The following C6orf118 variants were observed in gnomAD, a reference collection of about 807,000 sequenced individuals.
C6orf118 encodes the protein uncharacterized protein C6orf118.
C6orf118 carries 50 observed loss-of-function variants against 50.2 expected under a neutral mutation model. The ratio of observed to expected loss-of-function variants is 1.00; its 90% confidence interval spans 0.79 to 1.26. C6orf118 has a LOEUF of 1.26. Among genes scored for constraint, C6orf118 ranks in the 50% most tolerant of loss-of-function variants. The probability of loss-of-function intolerance (pLI) is 0.00; values close to 1 mark genes in which losing one functional copy is unlikely to be tolerated. For synonymous variants in C6orf118, 239 were observed against 230.9 expected, an observed-to-expected ratio of 1.03 and a Z score of -0.32; for missense variants, 641 against 578.7, an observed-to-expected ratio of 1.11 and a Z score of -1.10.
intron 6 of C6orf118, among the ~76,000 whole-genome samples, chr6:165,290,355 A>T (rs1257070934): frequency 6.6e-6 from 1 of 152,130 alleles, no homozygotes; most frequent in Non-Finnish European, 1.5e-5. Context: ...TGTGTGATTT[A>T]GCAGTGCAGA....
chr6:165,279,827 G>A lies in C6orf118; in HGVS notation c.*230C>T, dbSNP rs75735949. The A allele has an allele frequency of 0.01, 4,059 of 398,176 alleles. 142 individuals are homozygous for A. Among genetic ancestry groups the A allele is most frequent in the African/African-American group, 0.075 (3,603 of 48,264 alleles). The allele number at this position is 398,176 out of a possible 1,614,324, so 24.7% of individuals were successfully genotyped here. A position where few individuals can be genotyped will look rare whatever the true frequency, so the allele number is the denominator to read the frequency against. ...ATTATTAAATGAAAGTAAAACATACGTTAAGAACTAGTATTGTTGTAAATA... is the reference window on the plus strand; with the variant it reads ...ATTATTAAATGAAAGTAAAACATACATTAAGAACTAGTATTGTTGTAAATA... On this transcript the variant is annotated 3_prime_UTR_variant, in exon 9 of 9. Transcript: ENST00000230301.
At chr6:165,284,205 G>A (rs979874812) in intron 7 of C6orf118, among the ~76,000 whole-genome samples, 5 of 152,086 alleles carry the variant, frequency 3.3e-5, no homozygotes, top group African/African-American at 7.2e-5. Context: ...TAGCCAAATA[G>A]ACCAAGTGGA....
intron 7 of C6orf118, among the ~76,000 whole-genome samples, chr6:165,289,183 AAAG>A (rs948759522): frequency 2.6e-5 from 4 of 151,416 alleles, no homozygotes; most frequent in Non-Finnish European, 5.9e-5. Flanking sequence ...CCAAAAAAAA[AAAG>A]AAAAAGAAAA....
chr6:165,301,887 A>C lies in C6orf118; in HGVS notation c.435T>G (p.Asp145Glu), dbSNP rs2128163675. ...CTCTGACAGCCTCCACTGGAAGGAA[A>C]TCCTCCTCTGAAGTGTGGGAAAGAG... is the stretch of plus-strand genomic sequence containing the variant. ...QASLSHTSEE[D>E]FLPVEAVREG... Residue 145 changes from aspartate (D) to glutamate (E), a missense_variant, in exon 2 of 9, where the codon GAT becomes GAG. By Grantham distance (45) the Asp-to-Glu change is conservative. Coordinates refer to ENST00000230301, the MANE Select transcript of C6orf118 (RefSeq NM_144980.4). 1 of 1,613,760 alleles carries C rather than the reference A, an allele frequency of 6.2e-7. No homozygotes were observed. Among genetic ancestry groups the C allele is most frequent in the South Asian group, 1.1e-5 (1 of 91,066 alleles).
chr6:165,303,102 C>A (rs1476563191), intron 1 of C6orf118, among the ~76,000 whole-genome samples: 1 of 152,176 alleles, frequency 6.6e-6, no homozygotes, highest in East Asian at 1.9e-4. Flanking sequence ...ACTGTGATGG[C>A]CAAAGGGCAG....
intron 1 of C6orf118, among the ~76,000 whole-genome samples, chr6:165,306,382 C>G (rs919143374): frequency 2.7e-5 from 3 of 112,990 alleles, no homozygotes; most frequent in African/African-American, 6.9e-5. Context: ...CTAGATGACA[C>G]GTTAGTGGGT....
intron 4 of C6orf118, 27 bp downstream of exon 4, chr6:165,299,416 T>G: frequency 6.2e-7 from 1 of 1,610,330 alleles, no homozygotes; most frequent in Non-Finnish European, 8.5e-7. Context: ...GCAGGCTCTA[T>G]TCAGGCTCTT....
At chr6:165,293,009 A>T (rs1354910508) in intron 6 of C6orf118, among the ~76,000 whole-genome samples, 1 of 152,230 alleles carries the variant, frequency 6.6e-6, no homozygotes, top group Non-Finnish European at 1.5e-5. Context: ...ATTTCATTTA[A>T]AGTTGGAAAA....
chr6:165,291,164 G>T (rs983568478), intron 6 of C6orf118, among the ~76,000 whole-genome samples: 3 of 152,046 alleles, frequency 2.0e-5, no homozygotes, highest in African/African-American at 7.3e-5. Flanking sequence ...GTGGGGACAC[G>T]GAGCCAAACC....
chr6:165,296,257 T>TG (rs1562330078), intron 5 of C6orf118, among the ~76,000 whole-genome samples: 7 of 139,104 alleles, frequency 5.0e-5, no homozygotes, highest in African/African-American at 1.3e-4. Flanking sequence ...TTTGTTTTTT[T>TG]TTTTTTTTTT....
chr6:165,281,638 A>G lies in C6orf118; in HGVS notation c.1356+2T>C. 6.7e-7 allele frequency: 1 copy of G among 1,493,008 alleles called. No individual in the cohort carries two copies. Among genetic ancestry groups the G allele is most frequent in the Non-Finnish European group, 8.9e-7 (1 of 1,117,390 alleles). The allele number at this position is 1,493,008 out of a possible 1,614,324, so 92.5% of individuals were successfully genotyped here. A position where few individuals can be genotyped will look rare whatever the true frequency, so the allele number is the denominator to read the frequency against. ...AAACATTGATTCACACAAAAAACTT[A>G]CTTTTATTTTCTTCTTTAAAATCAT... On this transcript the variant is annotated splice_donor_variant, in intron 8 of 8. Coordinates refer to ENST00000230301, the MANE Select transcript of C6orf118 (RefSeq NM_144980.4). LOFTEE classifies it high-confidence loss of function.
chr6:165,285,528 T>C (rs1365697306), intron 7 of C6orf118, among the ~76,000 whole-genome samples: 1 of 152,060 alleles, frequency 6.6e-6, no homozygotes, highest in Non-Finnish European at 1.5e-5. Flanking sequence ...GCACTTACTC[T>C]AAAATCAATC....
intron 4 of C6orf118, among the ~76,000 whole-genome samples, chr6:165,299,154 G>A (rs753188600): frequency 3.3e-5 from 5 of 152,178 alleles, no homozygotes; most frequent in Non-Finnish European, 7.3e-5. Context: ...CTGGACAGTG[G>A]TTTTTGGAAA....
intron 1 of C6orf118, among the ~76,000 whole-genome samples, chr6:165,308,398 C>T (rs771862761): frequency 5.3e-5 from 8 of 152,094 alleles, no homozygotes; most frequent in Admixed American, 6.5e-5. Context: ...CGCTGGATCC[C>T]AGGTGGAAGC....
chr6:165,296,568 C>A (rs1780319274), intron 5 of C6orf118, among the ~76,000 whole-genome samples: 1 of 152,098 alleles, frequency 6.6e-6, no homozygotes, highest in South Asian at 2.1e-4. Context: ...AGAACTCGTG[C>A]CTTCTTGCCC....
chr6:165,286,494 A>G (rs1779908090), intron 7 of C6orf118, among the ~76,000 whole-genome samples: 2 of 152,300 alleles, frequency 1.3e-5, no homozygotes, highest in Non-Finnish European at 2.9e-5. Context: ...ACTTCAGGCC[A>G]ATACCTCTGA....
intron 1 of C6orf118, among the ~76,000 whole-genome samples, chr6:165,303,032 G>T (rs1196916325): frequency 6.6e-6 from 1 of 152,180 alleles, no homozygotes. Flanking sequence ...GCCCAGATTT[G>T]CCCCCTTCAT....
intron 7 of C6orf118, among the ~76,000 whole-genome samples, chr6:165,287,453 A>C (rs1423677823): frequency 1.3e-5 from 2 of 152,186 alleles, no homozygotes; most frequent in Non-Finnish European, 2.9e-5. Context: ...ATATGGAAAC[A>C]AAAAAGATCC....
chr6:165,306,484 T>C (rs778526458), intron 1 of C6orf118, among the ~76,000 whole-genome samples: 1 of 115,796 alleles, frequency 8.6e-6, no homozygotes, highest in Non-Finnish European at 1.8e-5. Context: ...TAAAAAAAAA[T>C]TATAAAAAAA....
Sources: gnomAD v4.1 joint callset for allele counts (sites outside exome capture counted in the v4.1 genomes callset) on GRCh38, gnomAD v4.1.1 for gene constraint, MANE v1.5 for transcripts, NCBI Gene and HGNC (gene_info 2026-07-23, HGNC 2026-07-21) for gene names.